The following TUBGCP3 variants were observed in gnomAD, a reference collection of about 807,000 sequenced individuals.
TUBGCP3 encodes the protein gamma-tubulin complex component 3.
A neutral mutation model predicts 123.1 loss-of-function variants in TUBGCP3; 50 were observed. The observed-to-expected ratio is 0.41, with a 90% CI of 0.32 to 0.51. The LOEUF (loss-of-function observed/expected upper bound fraction) is 0.51, where lower values mean the gene tolerates loss of function less well. TUBGCP3 is among the 20% of genes least tolerant of loss of function. The probability of loss-of-function intolerance (pLI) is 0.36; values close to 1 mark genes in which losing one functional copy is unlikely to be tolerated. For missense variants in TUBGCP3, 882 were observed against 1,127.0 expected, an observed-to-expected ratio of 0.78 and a Z score of 3.11; for synonymous variants, 405 against 413.9, an observed-to-expected ratio of 0.98 and a Z score of 0.26.
chr13:112,584,993 C>T (rs7489923), intron 1 of TUBGCP3, among the ~76,000 whole-genome samples: 45,244 of 152,100 alleles, frequency 0.3, 7,395 homozygotes, highest in African/African-American at 0.42. Flanking sequence ...CTTTGTAAAA[C>T]TGTCAAGCAC....
At chr13:112,503,366 G>C (rs1304187188) in intron 19 of TUBGCP3, among the ~76,000 whole-genome samples, 3 of 152,210 alleles carry the variant, frequency 2.0e-5, no homozygotes, top group African/African-American at 7.2e-5. Flanking sequence ...TTTTGTTGTT[G>C]TTGTTGTTGT....
rs141083315 is a variant in TUBGCP3, at chr13:112,527,283, T to G, written c.1446+91A>C. On this transcript the variant is annotated intron_variant, in intron 12 of 21. Coordinates refer to ENST00000261965, the MANE Select transcript of TUBGCP3 (RefSeq NM_006322.6). ...AGAACGTTAACAATCTCAAAACGCA[T>G]GAAATTTTAACTGAAAATTGGTTTT... The G allele has an allele frequency of 7.4e-4, 743 of 1,009,808 alleles. 9 individuals carry two copies. The East Asian group carries it at 0.011, about 15-fold the overall frequency. The allele number at this position is 1,009,808 out of a possible 1,614,324, so 62.6% of individuals were successfully genotyped here.
intron 11 of TUBGCP3, among the ~76,000 whole-genome samples, chr13:112,539,377 T>A (rs1878315724): frequency 6.6e-6 from 1 of 152,190 alleles, no homozygotes; most frequent in African/African-American, 2.4e-5. Flanking sequence ...TCAGATGAGT[T>A]ACAATGAGAT....
chr13:112,494,490 G>A (rs1288787652), intron 20 of TUBGCP3, among the ~76,000 whole-genome samples: 4 of 152,210 alleles, frequency 2.6e-5, no homozygotes, highest in Non-Finnish European at 5.9e-5. Flanking sequence ...AGGCCCCACG[G>A]CTCTCAGCAC....
At chr13:112,497,632 T>C (rs1880610677) in intron 20 of TUBGCP3, among the ~76,000 whole-genome samples, 1 of 152,226 alleles carries the variant, frequency 6.6e-6, no homozygotes, top group Admixed American at 6.5e-5. Flanking sequence ...TTTGTCCCTA[T>C]GTGAACATCG....
At chr13:112,486,223 A>G in intron 21 of TUBGCP3, 72 bp from the exon 22 acceptor site, 1 of 1,563,738 alleles carries the variant, frequency 6.4e-7, no homozygotes, top group Non-Finnish European at 8.7e-7. Flanking sequence ...CCCGGACCTT[A>G]ATCTCCTTTG....
rs3818462 is a variant in TUBGCP3, at chr13:112,559,291, G to T, written c.330+31C>A. 303,078 of 1,590,750 alleles carry T rather than the reference G, an allele frequency of 0.19. 30,742 individuals are homozygous for T. The highest frequency in any genetic ancestry group is 0.27 in the East Asian group (11,800 of 43,882). On this transcript the variant is annotated intron_variant, in intron 4 of 21. Transcript: ENST00000261965. ...CAAAGTCAGCCAGGGTGTCCCGACG[G>T]ACACGACGCTGCAAAGGCAAAGCCA...
upstream of TUBGCP3, among the ~76,000 whole-genome samples, chr13:112,593,147 G>A (rs115307280): frequency 5.9e-3 from 898 of 152,250 alleles, 7 homozygotes; most frequent in African/African-American, 0.02. Context: ...TGCTGGGCGC[G>A]GTAGCTCACA....
chr13:112,575,658 A>T, intron 1 of TUBGCP3, among the ~76,000 whole-genome samples: 1 of 152,262 alleles, frequency 6.6e-6, no homozygotes, highest in Non-Finnish European at 1.5e-5. Context: ...GCTCTTTTCA[A>T]ATGCACGTGG....
At position 112,545,649 on chromosome 13, in the gene TUBGCP3, G is replaced by C. The variant is rs773808405; in HGVS notation, c.1335+50C>G. The C allele has an allele frequency of 6.3e-7, 1 of 1,594,758 alleles. No homozygotes were observed. The highest frequency in any genetic ancestry group is 1.1e-5 in the South Asian group (1 of 90,642). On this transcript the variant is annotated intron_variant, in intron 11 of 21. Transcript: ENST00000261965. The surrounding 1 kb of genome is among the most constrained non-coding windows in gnomAD (Gnocchi z 4.1). The stretch of plus-strand genomic sequence containing the variant: ...GGGAAAAATGAAACAGCATAACTGC[G>C]TGCCCATGCTTTTTAAATCCAAGTC...
intron 11 of TUBGCP3, among the ~76,000 whole-genome samples, chr13:112,540,467 C>A (rs1878424965): frequency 1.0e-5 from 1 of 95,970 alleles, no homozygotes; most frequent in South Asian, 3.2e-4. Context: ...AATGTAGTAG[C>A]CCTATGAGCA....
At chr13:112,565,620 A>G (rs150185211) in intron 2 of TUBGCP3, among the ~76,000 whole-genome samples, 3,599 of 152,326 alleles carry the variant, frequency 0.024, 64 homozygotes, top group Non-Finnish European at 0.034. Context: ...TGGAAACTAC[A>G]TATCCTAAAC....
At position 112,587,969 on chromosome 13, in the gene TUBGCP3, CG is replaced by C; in HGVS notation, c.11del (p.Pro4ArgfsTer25). On this transcript the variant is annotated frameshift_variant, in exon 1 of 22. Transcript: ENST00000261965. LOFTEE classifies it high-confidence loss of function. ...GCAGAACGTTCGGCGACTTCTGGTC[CG>C]GGGTCGCCATCCTCGCCCGGAGCCG... MAT[P>X]DQKSPNVLLQ... 6.3e-7 allele frequency: 1 copy of C among 1,587,736 alleles called. No homozygotes were observed. The highest frequency in any genetic ancestry group is 8.6e-7 in the Non-Finnish European group (1 of 1,168,754).
At chr13:112,569,300 G>A (rs770219796) in intron 1 of TUBGCP3, 41 bp from the exon 2 acceptor site, 176 of 1,598,102 alleles carry the variant, frequency 1.1e-4, no homozygotes, top group Non-Finnish European at 1.2e-4. Context: ...TACCAACCAG[G>A]TTACGTTCTG....
At chr13:112,587,560 G>C (rs1039692182) in intron 1 of TUBGCP3, among the ~76,000 whole-genome samples, 2 of 152,220 alleles carry the variant, frequency 1.3e-5, no homozygotes, top group African/African-American at 4.8e-5. Flanking sequence ...CATTCCTCCC[G>C]TCCTCACTGA....
intron 19 of TUBGCP3, among the ~76,000 whole-genome samples, chr13:112,502,484 A>G (rs996534793): frequency 9.9e-5 from 15 of 152,064 alleles, no homozygotes; most frequent in African/African-American, 3.6e-4. Context: ...TCCGATAACA[A>G]GACCAGGGTT....
intron 17 of TUBGCP3, among the ~76,000 whole-genome samples, chr13:112,505,936 T>C (rs1282798934): frequency 2.6e-5 from 4 of 152,050 alleles, no homozygotes; most frequent in South Asian, 4.2e-4. Context: ...GGGAAGGGGC[T>C]AGAATTCTCG....
chr13:112,504,226 A>G (rs1013697779), intron 18 of TUBGCP3, 63 bp from the exon 19 acceptor site: 1 of 1,605,296 alleles, frequency 6.2e-7, no homozygotes, highest in African/African-American at 1.3e-5. Flanking sequence ...AGCATCACTC[A>G]TAAAATATAT....
In TUBGCP3 at chr13:112,526,435, CCAT is replaced by C. The variant is rs1877104916; in HGVS notation, c.1555+504_1555+506del. Among the ~76,000 whole-genome samples, 7 of 130,326 alleles carry C rather than the reference CCAT, an allele frequency of 5.4e-5. No homozygotes were observed. In the South Asian group the frequency reaches 1.3e-3, roughly 25 times the overall value. 85.5% of individuals were successfully genotyped at this position (130,326 alleles called of 152,430 possible). ...CACCACCATCACTGCCGCTACCACG[CCAT>C]CATCACCGTCGCCACCCATCCCCAT... On this transcript the variant is annotated intron_variant, in intron 13 of 21. Coordinates refer to ENST00000261965, the MANE Select transcript of TUBGCP3 (RefSeq NM_006322.6).
Sources: allele counts gnomAD v4.1 joint callset (sites outside exome capture counted in the v4.1 genomes callset), GRCh38; gene constraint gnomAD v4.1.1; non-coding constraint Gnocchi (gnomAD v3.1); transcripts MANE v1.5; gene names NCBI Gene and HGNC (gene_info 2026-07-23, HGNC 2026-07-21).